PROCA1: variants seen among roughly 807,000 people sequenced by gnomAD.
The protein encoded by PROCA1 is protein interacting with cyclin A1, also known as protein PROCA1.
PROCA1 carries 22 observed loss-of-function variants against 23.2 expected under a neutral mutation model. That is an observed-to-expected ratio of 0.95 (90% CI 0.68 to 1.35). The LOEUF (loss-of-function observed/expected upper bound fraction) is 1.35, where lower values mean the gene tolerates loss of function less well. PROCA1 is among the 40% of genes most tolerant of loss of function. PROCA1 has a pLI of 0.00. For missense variants in PROCA1, 469 were observed against 459.8 expected, an observed-to-expected ratio of 1.02 and a Z score of -0.18; for synonymous variants, 182 against 179.2, an observed-to-expected ratio of 1.02 and a Z score of -0.12.
At chr17:28,709,789 G>A (rs1482896006) in intron 1 of PROCA1, among the ~76,000 whole-genome samples, 1 of 151,670 alleles carries the variant, frequency 6.6e-6, no homozygotes, top group Non-Finnish European at 1.5e-5. Flanking sequence ...TTGAGGTCCG[G>A]AGTTTGAGAC....
Position 28,706,588 on chromosome 17 carries a change from TCC to T in PROCA1, c.175+90_175+91del. 3.3e-6 allele frequency: 3 copies of T among 910,792 alleles called. No homozygotes were observed. In the Admixed American group the frequency reaches 7.1e-5, roughly 22 times the overall value. The allele number at this position is 910,792 out of a possible 1,614,324, so 56.4% of individuals were successfully genotyped here. On this transcript the variant is annotated intron_variant, in intron 2 of 4. Coordinates refer to ENST00000682792, the MANE Select transcript of PROCA1 (RefSeq NM_001366301.1). ...AGCTTCAGGACCACACTTCCCTCCC[TCC>T]CTGCCTCAGGACCAAGCTTCCACCA...
In PROCA1 at chr17:28,711,867, G is replaced by A. The variant is rs772657671; in HGVS notation, c.-207C>T. On this transcript the variant is annotated 5_prime_UTR_variant, in exon 1 of 5. Coordinates refer to ENST00000682792, the MANE Select transcript of PROCA1 (RefSeq NM_001366301.1). ...GCGTAGTCTTCCCAGCTGGGTCTCA[G>A]CGTCAGCCGCGTTCTTCATCCGGGG... The A allele has an allele frequency of 2.0e-6, 1 of 493,086 alleles. No individual in the cohort carries two copies. Among genetic ancestry groups the A allele is most frequent in the Non-Finnish European group, 3.6e-6 (1 of 281,230 alleles). 30.5% of individuals were successfully genotyped at this position (493,086 alleles called of 1,614,324 possible).
chr17:28,705,368 C>G lies in PROCA1; in HGVS notation c.176-525G>C, dbSNP rs145806541. The stretch of plus-strand genomic sequence containing the variant: ...TTCCCTCCCCACTTCCCCCTCCTCC[C>G]TTCTCCTTCAAGCCCCTTTTTTTCT... On this transcript the variant is annotated intron_variant, in intron 2 of 4. Transcript: ENST00000682792. The G allele has an allele frequency of 6.6e-3, 1,014 of 154,004 alleles. 5 individuals carry two copies. The highest frequency in any genetic ancestry group is 0.012 in the Non-Finnish European group (809 of 69,268). The allele number at this position is 154,004 out of a possible 1,614,324, so 9.5% of individuals were successfully genotyped here. A position where few individuals can be genotyped will look rare whatever the true frequency, so the allele number is the denominator to read the frequency against.
intron 1 of PROCA1, among the ~76,000 whole-genome samples, chr17:28,708,333 C>T (rs941967145): frequency 2.0e-5 from 3 of 152,088 alleles, no homozygotes; most frequent in Non-Finnish European, 2.9e-5. Flanking sequence ...CAATGAATCT[C>T]CTTCTTCTGC....
chr17:28,704,703 C>T lies in PROCA1; in HGVS notation c.311+5G>A. The T allele has an allele frequency of 6.2e-7, 1 of 1,614,036 alleles. No homozygotes were observed. The highest frequency in any genetic ancestry group is 8.5e-7 in the Non-Finnish European group (1 of 1,179,924). On this transcript the variant is annotated splice_donor_5th_base_variant and intron_variant, in intron 3 of 4. Transcript: ENST00000682792. Reference sequence around the variant, plus strand: ...CATGGGTCCCCCAAGGGGGCGGGCCCTCACCTAGAATTACAGTTGCAGTGG... The same window carrying T: ...CATGGGTCCCCCAAGGGGGCGGGCCTTCACCTAGAATTACAGTTGCAGTGG...
chr17:28,704,742 G>C lies in PROCA1; in HGVS notation c.277C>G (p.Leu93Val), dbSNP rs1171592828. 6.2e-7 allele frequency: 1 copy of C among 1,614,146 alleles called. No individual in the cohort carries two copies. Among genetic ancestry groups the C allele is most frequent in the Admixed American group, 1.7e-5 (1 of 60,016 alleles). ...ASDCVRHSLH[L>V]HSVNHCNCNS... ...CAGTTGCAGTGGTTGACAGAGTGTA[G>C]GTGCAGGCTGTGGCGGACACAGTCA... The change falls in exon 3 of 5, where the codon CTA becomes GTA. Residue 93 changes from leucine to valine, a missense_variant. By Grantham distance (32) the Leu-to-Val change is conservative. Coordinates refer to ENST00000682792, the MANE Select transcript of PROCA1 (RefSeq NM_001366301.1).
In PROCA1 at chr17:28,711,784, C is replaced by T; in HGVS notation, c.-124G>A. The T allele has an allele frequency of 4.0e-6, 3 of 748,890 alleles. No homozygotes were observed. Among genetic ancestry groups the T allele is most frequent in the Non-Finnish European group, 6.1e-6 (3 of 495,124 alleles). 46.4% of individuals were successfully genotyped at this position (748,890 alleles called of 1,614,324 possible). On this transcript the variant is annotated 5_prime_UTR_variant, in exon 1 of 5. It removes the in-frame stop codon of an upstream open reading frame in the 5' UTR. Coordinates refer to ENST00000682792, the MANE Select transcript of PROCA1 (RefSeq NM_001366301.1). Reference sequence around the variant, plus strand: ...TCTCGGCTTCGCCCCCGCCTAGCCCCTAACCCCGCCTCATGCTGGCGCAGC... The same window carrying T: ...TCTCGGCTTCGCCCCCGCCTAGCCCTTAACCCCGCCTCATGCTGGCGCAGC...
chr17:28,706,291 C>T (rs1287347018), intron 2 of PROCA1: 1 of 177,134 alleles, frequency 5.6e-6, no homozygotes, highest in African/African-American at 2.3e-5. Flanking sequence ...GTGCCCTGAA[C>T]TTGTAGTCAG....
chr17:28,711,235 G>A (rs2032766417), intron 1 of PROCA1: 1 of 946,596 alleles, frequency 1.1e-6, no homozygotes, highest in Non-Finnish European at 1.4e-6. Flanking sequence ...AGCCAAGGCC[G>A]GCGCTTCAAG....
intron 1 of PROCA1, among the ~76,000 whole-genome samples, chr17:28,709,205 A>C (rs1376835846): frequency 2.6e-5 from 4 of 152,166 alleles, no homozygotes; most frequent in South Asian, 2.1e-4. Flanking sequence ...ACACCCCTGT[A>C]AACAAAGGTC....
intron 1 of PROCA1, 136 bp downstream of exon 1, chr17:28,711,434 C>T (rs1338188864): frequency 2.8e-6 from 2 of 724,138 alleles, no homozygotes; most frequent in Non-Finnish European, 4.2e-6. Context: ...AGCTCCGCCC[C>T]GGCCCAGCAC....
Position 28,703,461 on chromosome 17 carries a change from G to T in PROCA1, c.*97C>A. On this transcript the variant is annotated 3_prime_UTR_variant, in exon 5 of 5. Coordinates refer to ENST00000682792, the MANE Select transcript of PROCA1 (RefSeq NM_001366301.1). Reference sequence around the variant, plus strand: ...CCCTGCAGCCCTGAGCCCACCCCTTGCCCCGCAAGAAACAGCCAGGTTGGA... The same window carrying T: ...CCCTGCAGCCCTGAGCCCACCCCTTTCCCCGCAAGAAACAGCCAGGTTGGA... 7.6e-7 allele frequency: 1 copy of T among 1,315,652 alleles called. No individual in the cohort carries two copies. Among genetic ancestry groups the T allele is most frequent in the Non-Finnish European group, 1.0e-6 (1 of 953,084 alleles). The allele number at this position is 1,315,652 out of a possible 1,614,324, so 81.5% of individuals were successfully genotyped here. A position where few individuals can be genotyped will look rare whatever the true frequency, so the allele number is the denominator to read the frequency against.
intron 3 of PROCA1, 51 bp downstream of exon 3, chr17:28,704,657 A>C: frequency 6.2e-7 from 1 of 1,606,896 alleles, no homozygotes; most frequent in Non-Finnish European, 8.5e-7. Flanking sequence ...GACCACAATG[A>C]AAGTTCGGAC....
chr17:28,704,254 G>T (rs753857173), intron 4 of PROCA1, 42 bp from the exon 5 acceptor site: 4 of 1,575,844 alleles, frequency 2.5e-6, no homozygotes, highest in African/African-American at 1.4e-5. Flanking sequence ...AGAGAGTGGG[G>T]GGCAGTGCCC....
intron 1 of PROCA1, among the ~76,000 whole-genome samples, chr17:28,710,265 G>A (rs1417087884): frequency 6.6e-6 from 1 of 152,010 alleles, no homozygotes; most frequent in Non-Finnish European, 1.5e-5. Flanking sequence ...TTGGGAGGCC[G>A]AGGTGGGCGG....
At chr17:28,708,088 C>T (rs1272305782) in intron 1 of PROCA1, among the ~76,000 whole-genome samples, 2 of 152,196 alleles carry the variant, frequency 1.3e-5, no homozygotes. Context: ...CGGCTTACTG[C>T]ACCCTCCGCC....
chr17:28,703,849 TTTC>T lies in PROCA1; in HGVS notation c.801_803del (p.Lys268del), dbSNP rs780448204. The T allele has an allele frequency of 8.7e-6, 14 of 1,614,052 alleles. No homozygotes were observed. The highest frequency in any genetic ancestry group is 4.4e-5 in the South Asian group (4 of 91,088). ...GGGAAGGCTCCAATTTAACCGGGCT[TTTC>T]TTCTTAGTCAACTGGCCTTTCTTGG... is the stretch of plus-strand genomic sequence containing the variant. On this transcript the variant is annotated inframe_deletion, in exon 5 of 5. Transcript: ENST00000682792.
In PROCA1 at chr17:28,709,290, G is replaced by C. The variant is rs189059932; in HGVS notation, c.91+2280C>G. Among the ~76,000 whole-genome samples, 196 of 151,896 alleles carry C rather than the reference G, an allele frequency of 1.3e-3. 1 individual carries two copies. The highest frequency in any genetic ancestry group is 1.7e-3 in the African/African-American group (69 of 41,452). ...GTTTTTCTTTTGAGAGAGTCTGGCT[G>C]TGTCGCCCAGGCTGGAGTGCAGTGG... is the stretch of plus-strand genomic sequence containing the variant. On this transcript the variant is annotated intron_variant, in intron 1 of 4. Coordinates refer to ENST00000682792, the MANE Select transcript of PROCA1 (RefSeq NM_001366301.1).
chr17:28,709,719 G>A (rs557181061), intron 1 of PROCA1, among the ~76,000 whole-genome samples: 2 of 152,124 alleles, frequency 1.3e-5, no homozygotes, highest in South Asian at 4.1e-4. Flanking sequence ...CTACCAGGCC[G>A]GGTGCAGTGG....
Sources: allele counts gnomAD v4.1 joint callset (sites outside exome capture counted in the v4.1 genomes callset), GRCh38; gene constraint gnomAD v4.1.1; transcripts MANE v1.5; gene names NCBI Gene and HGNC (gene_info 2026-07-23, HGNC 2026-07-21).